The following SCAI variants were observed in gnomAD, a reference collection of about 807,000 sequenced individuals.
SCAI encodes the protein protein SCAI.
In SCAI, 24 loss-of-function variants were observed where a neutral mutation model predicts 92.2. That is an observed-to-expected ratio of 0.26 (90% CI 0.19 to 0.37). The LOEUF (loss-of-function observed/expected upper bound fraction) is 0.37, where lower values mean the gene tolerates loss of function less well. SCAI is among the 10% of genes least tolerant of loss of function. SCAI has a pLI of 1.00. For missense variants in SCAI, 450 were observed against 736.2 expected, an observed-to-expected ratio of 0.61 and a Z score of 4.50; for synonymous variants, 261 against 258.6, an observed-to-expected ratio of 1.01 and a Z score of -0.09.
intron 12 of SCAI, among the ~76,000 whole-genome samples, chr9:125,000,925 T>C (rs1380877371): frequency 1.3e-5 from 2 of 152,178 alleles, no homozygotes; most frequent in Non-Finnish European, 2.9e-5. Context: ...GATGTTCAGA[T>C]AATCTCTCTC....
intron 9 of SCAI, among the ~76,000 whole-genome samples, chr9:125,008,597 C>T (rs1487643920): frequency 6.6e-6 from 1 of 152,064 alleles, no homozygotes; most frequent in Non-Finnish European, 1.5e-5. Context: ...AGATTAAACA[C>T]ATCAGAAGAT....
chr9:125,055,009 T>C (rs1286746363), intron 3 of SCAI, among the ~76,000 whole-genome samples: 1 of 152,176 alleles, frequency 6.6e-6, no homozygotes, highest in African/African-American at 2.4e-5. Context: ...TTAGACAGAA[T>C]GGTATTTGAA....
At chr9:124,977,545 A>C (rs938550409) in intron 14 of SCAI, among the ~76,000 whole-genome samples, 12 of 152,124 alleles carry the variant, frequency 7.9e-5, no homozygotes, top group Non-Finnish European at 1.5e-4. Flanking sequence ...GTGGTGGTAC[A>C]TGCTTGCAGT....
intron 2 of SCAI, among the ~76,000 whole-genome samples, chr9:125,085,803 G>A (rs1055314919): frequency 1.9e-4 from 29 of 152,150 alleles, no homozygotes; most frequent in African/African-American, 6.8e-4. Flanking sequence ...CTGAGAAAAA[G>A]TTCCATCTGA....
chr9:124,957,845 G>A (rs955974621), intron 17 of SCAI, among the ~76,000 whole-genome samples: 1 of 151,434 alleles, frequency 6.6e-6, no homozygotes, highest in African/African-American at 2.4e-5. Flanking sequence ...ACCACACACA[G>A]CTAATTTTTG....
At chr9:125,009,527 T>A (rs568989067) in intron 9 of SCAI, among the ~76,000 whole-genome samples, 2 of 151,824 alleles carry the variant, frequency 1.3e-5, no homozygotes, top group Middle Eastern at 3.2e-3. Context: ...CCACTTTGCC[T>A]CCCAAAGTGC....
chr9:125,077,998 G>A lies in SCAI; in HGVS notation c.99-21991C>T, dbSNP rs529712869. On this transcript the variant is annotated intron_variant, in intron 2 of 17. Transcript: ENST00000336505. ...GCCTCCCAAAGTGCTGGGATTACAG[G>A]CGTAAGCCACCGTACCCAGCCTTTG... 7.7e-4 allele frequency among the ~76,000 whole-genome samples: 117 copies of A among 151,942 alleles called. 1 individual carries two copies. Among genetic ancestry groups the A allele is most frequent in the Non-Finnish European group, 1.4e-3 (96 of 67,984 alleles).
rs1044078532 is a variant in SCAI at position 124,951,769 on chromosome 9, T to G, written c.*1038A>C. 1 of 152,204 alleles carries G rather than the reference T, an allele frequency of 6.6e-6. No individual in the cohort carries two copies. Among genetic ancestry groups the G allele is most frequent in the African/African-American group, 2.4e-5 (1 of 41,454 alleles). The allele number at this position is 152,204 out of a possible 1,614,324, so 9.4% of individuals were successfully genotyped here. On this transcript the variant is annotated 3_prime_UTR_variant, in exon 18 of 18. Coordinates refer to ENST00000336505, the MANE Select transcript of SCAI (RefSeq NM_001144877.3). ...AAAGAAAAATCTTTATAATATACAC[T>G]GAGTCCTATTTAAGATAATAAAAAT...
intron 2 of SCAI, among the ~76,000 whole-genome samples, chr9:125,105,804 A>G (rs1834764263): frequency 6.6e-6 from 1 of 152,082 alleles, no homozygotes; most frequent in Non-Finnish European, 1.5e-5. Flanking sequence ...CTTTCTAAGA[A>G]AAAGATATAG....
intron 4 of SCAI, among the ~76,000 whole-genome samples, chr9:125,028,989 G>T (rs1277331224): frequency 6.6e-6 from 1 of 151,972 alleles, no homozygotes; most frequent in Non-Finnish European, 1.5e-5. Flanking sequence ...GTAGAGACAG[G>T]GTTTCACCAT....
chr9:125,116,306 A>G (rs1835045845), intron 2 of SCAI, among the ~76,000 whole-genome samples: 1 of 152,208 alleles, frequency 6.6e-6, no homozygotes, highest in Non-Finnish European at 1.5e-5. Flanking sequence ...AACATCTACT[A>G]TGTTCCACTA....
At chr9:125,092,228 G>A (rs1351932724) in intron 2 of SCAI, among the ~76,000 whole-genome samples, 1 of 150,790 alleles carries the variant, frequency 6.6e-6, no homozygotes, top group Non-Finnish European at 1.5e-5. Context: ...GGAAGCCGAG[G>A]GAGGTGGATC....
At chr9:125,129,742 G>A (rs557319410) in intron 2 of SCAI, among the ~76,000 whole-genome samples, 41 of 151,664 alleles carry the variant, frequency 2.7e-4, no homozygotes, top group Admixed American at 1.6e-3. Flanking sequence ...GGGATTACAG[G>A]TGTGAGCCAC....
chr9:125,076,543 C>CA (rs1005859288), intron 2 of SCAI, among the ~76,000 whole-genome samples: 1 of 150,670 alleles, frequency 6.6e-6, no homozygotes, highest in Non-Finnish European at 1.5e-5. Context: ...CCTGCACTTC[C>CA]AAAAAACAAA....
At chr9:125,098,964 TCA>T (rs770176455) in intron 2 of SCAI, among the ~76,000 whole-genome samples, 28 of 151,634 alleles carry the variant, frequency 1.8e-4, no homozygotes, top group Admixed American at 3.3e-4. Flanking sequence ...ATTGGCAAAA[TCA>T]CAGATTAAAA....
intron 15 of SCAI, among the ~76,000 whole-genome samples, chr9:124,974,874 A>G (rs1425431500): frequency 6.6e-6 from 1 of 152,194 alleles, no homozygotes; most frequent in Non-Finnish European, 1.5e-5. Flanking sequence ...TGGCTGAATA[A>G]TTTCCCAAGG....
At chr9:124,963,065 C>T (rs1831472778) in intron 17 of SCAI, among the ~76,000 whole-genome samples, 1 of 151,234 alleles carries the variant, frequency 6.6e-6, no homozygotes, top group Middle Eastern at 3.2e-3. Context: ...TCCCATAGTG[C>T]TGGGATTACA....
At chr9:125,039,786 T>C (rs769167243) in intron 3 of SCAI, among the ~76,000 whole-genome samples, 4 of 152,146 alleles carry the variant, frequency 2.6e-5, no homozygotes, top group African/African-American at 9.7e-5. Context: ...TTTCAAGTAT[T>C]TGAATTATGT....
chr9:125,102,897 C>G (rs1250517134), intron 2 of SCAI, among the ~76,000 whole-genome samples: 2 of 152,152 alleles, frequency 1.3e-5, no homozygotes, highest in Non-Finnish European at 2.9e-5. Flanking sequence ...CGCGCCCAGC[C>G]CTACCCAAAC....
Sources: allele counts gnomAD v4.1 joint callset (sites outside exome capture counted in the v4.1 genomes callset), GRCh38; gene constraint gnomAD v4.1.1; transcripts MANE v1.5; gene names NCBI Gene and HGNC (gene_info 2026-07-23, HGNC 2026-07-21).